The following PLSCR1 variants were observed in gnomAD, a reference collection of about 807,000 sequenced individuals.
PLSCR1 encodes the protein PL scramblase 1.
In PLSCR1, 17 loss-of-function variants were observed where a neutral mutation model predicts 37.8. The ratio of observed to expected loss-of-function variants is 0.45; its 90% CI spans 0.31 to 0.68. PLSCR1 has a LOEUF of 0.68. Ranked by LOEUF, PLSCR1 falls within the 30% of genes least tolerant of loss-of-function variation. The pLI, the probability that PLSCR1 is intolerant of heterozygous loss-of-function variation, is 0.06. For missense variants in PLSCR1, 347 were observed against 380.9 expected, an observed-to-expected ratio of 0.91 and a Z score of 0.74; for synonymous variants, 116 against 125.9, an observed-to-expected ratio of 0.92 and a Z score of 0.53.
chr3:146,539,878 T>A (rs1477732321), intron 1 of PLSCR1, among the ~76,000 whole-genome samples: 1 of 152,176 alleles, frequency 6.6e-6, no homozygotes, highest in Non-Finnish European at 1.5e-5. Flanking sequence ...ATGTGCCAAG[T>A]AGATAAGGCA....
rs1229737958 is a variant in PLSCR1, at chr3:146,536,419, T to A, written c.13+121A>T. ...GAACTAGACATTGTATTCTGGAGCA[T>A]AAACAACAGAAAACAAATTATACAC... On this transcript the variant is annotated intron_variant, in intron 2 of 8. Transcript: ENST00000342435. 6 of 641,724 alleles carry A rather than the reference T, an allele frequency of 9.3e-6. No homozygotes were observed. The Admixed American group carries it at 9.5e-5, about 10-fold the overall frequency. The allele number at this position is 641,724 out of a possible 1,614,324, so 39.8% of individuals were successfully genotyped here.
At position 146,517,007 on chromosome 3, in the gene PLSCR1, A is replaced by G; in HGVS notation, c.899T>C (p.Ile300Thr). Residue 300 changes from isoleucine to threonine, a missense_variant and splice_region_variant, in exon 8 of 9, where the codon ATT (isoleucine) becomes ACT (threonine). Transcript: ENST00000342435. ...CAAGATTAATAAGAACAGACTTACAATGAGGAAACAGGCACCAATCATTAC... is the reference window on the plus strand; with the variant it reads ...CAAGATTAATAAGAACAGACTTACAGTGAGGAAACAGGCACCAATCATTAC... ...KAVMIGACFLIDFMFFESTGS... is the reference protein window; with the variant it reads ...KAVMIGACFLTDFMFFESTGS... 1.9e-6 allele frequency: 3 copies of G among 1,577,786 alleles called. No homozygotes were observed. The highest frequency in any genetic ancestry group is 2.3e-5 in the East Asian group (1 of 43,590).
chr3:146,535,925 C>T (rs2044259795), intron 2 of PLSCR1, among the ~76,000 whole-genome samples: 1 of 152,058 alleles, frequency 6.6e-6, no homozygotes, highest in African/African-American at 2.4e-5. Context: ...TTCAGAAAAA[C>T]AGGATTTAAT....
chr3:146,519,495 A>G (rs1649073793), intron 7 of PLSCR1, among the ~76,000 whole-genome samples: 1 of 152,248 alleles, frequency 6.6e-6, no homozygotes, highest in African/African-American at 2.4e-5. Flanking sequence ...TGAAGGAGAC[A>G]GACTCTCTTA....
At chr3:146,535,156 T>C (rs912527157) in intron 2 of PLSCR1, among the ~76,000 whole-genome samples, 2 of 150,390 alleles carry the variant, frequency 1.3e-5, no homozygotes, top group Non-Finnish European at 3.0e-5. Context: ...AAGAAAATAT[T>C]TTGCAAGTCT....
intron 2 of PLSCR1, among the ~76,000 whole-genome samples, chr3:146,535,368 A>G (rs145320543): frequency 1.5e-3 from 236 of 152,276 alleles, no homozygotes; most frequent in African/African-American, 5.4e-3. Context: ...GGGAATTCAT[A>G]CAAGGAGAAT....
chr3:146,522,139 G>T, intron 5 of PLSCR1, 86 bp from the exon 6 acceptor site: 1 of 790,322 alleles, frequency 1.3e-6, no homozygotes, highest in Non-Finnish European at 2.2e-6. Flanking sequence ...AGCTATGCCA[G>T]TTTTTGATGA....
chr3:146,522,036 T>C lies in PLSCR1; in HGVS notation c.373A>G (p.Thr125Ala). 8.1e-6 allele frequency: 13 copies of C among 1,595,160 alleles called. No homozygotes were observed. The highest frequency in any genetic ancestry group is 1.0e-5 in the Non-Finnish European group (12 of 1,162,736). Reference protein sequence around the residue: ...ELLEVLTGFETNNKYEIKNSF... With the variant: ...ELLEVLTGFEANNKYEIKNSF... ...TTCTTAATTTCATATTTGTTATTAG[T>C]TTCAAAACCTGTTAAAACTAAAAAC... The change falls in exon 6 of 9, where the codon ACT becomes GCT. Residue 125 changes from threonine to alanine, a missense_variant. Thr to Ala is a moderately conservative substitution (Grantham distance 58). Transcript: ENST00000342435.
At position 146,525,666 on chromosome 3, in the gene PLSCR1, T is replaced by A. The variant is rs2044098428; in HGVS notation, c.313-19A>T. 1 of 1,339,764 alleles carries A rather than the reference T, an allele frequency of 7.5e-7. No individual in the cohort carries two copies. The highest frequency in any genetic ancestry group is 1.1e-6 in the Non-Finnish European group (1 of 945,056). The allele number at this position is 1,339,764 out of a possible 1,614,324, so 83.0% of individuals were successfully genotyped here. A position where few individuals can be genotyped will look rare whatever the true frequency, so the allele number is the denominator to read the frequency against. ...GATCTATCTATAGCAGGAAAAAAAA[T>A]AAGTGGTATGTATATGTCAAATGAA... On this transcript the variant is annotated intron_variant, in intron 4 of 8. Coordinates refer to ENST00000342435, the MANE Select transcript of PLSCR1 (RefSeq NM_021105.3).
chr3:146,516,365 T>G (rs1312217145), intron 8 of PLSCR1: 3 of 305,728 alleles, frequency 9.8e-6, no homozygotes, highest in African/African-American at 4.4e-5. Context: ...CTCTAAATGT[T>G]ACTTTTTCTC....
chr3:146,536,655 T>C, intron 1 of PLSCR1, 90 bp from the exon 2 acceptor site: 1 of 772,594 alleles, frequency 1.3e-6, no homozygotes, highest in Non-Finnish European at 2.3e-6. Context: ...AACTACACAG[T>C]CACATTCATA....
At chr3:146,537,220 A>T (rs2044277449) in intron 1 of PLSCR1, among the ~76,000 whole-genome samples, 1 of 152,126 alleles carries the variant, frequency 6.6e-6, no homozygotes, top group African/African-American at 2.4e-5. Flanking sequence ...TTATACAGAA[A>T]CATAAATTGC....
intron 7 of PLSCR1, 21 bp from the exon 8 acceptor site, chr3:146,517,188 A>G: frequency 1.4e-6 from 2 of 1,391,362 alleles, no homozygotes; most frequent in Non-Finnish European, 2.0e-6. Context: ...AAAAAAAAGT[A>G]TTAAATACTT....
intron 8 of PLSCR1, 180 bp downstream of exon 8, chr3:146,516,826 G>T (rs1054976412): frequency 2.6e-5 from 13 of 505,602 alleles, no homozygotes; most frequent in Non-Finnish European, 4.5e-5. Flanking sequence ...GTAGAAACTA[G>T]TCACCTGTGA....
intron 1 of PLSCR1, among the ~76,000 whole-genome samples, chr3:146,543,373 T>C (rs1223731170): frequency 6.6e-6 from 1 of 152,234 alleles, no homozygotes; most frequent in African/African-American, 2.4e-5. Flanking sequence ...TTTCCCTTTA[T>C]ATGTCTTTTT....
intron 8 of PLSCR1, 136 bp from the exon 9 acceptor site, chr3:146,516,237 T>G: frequency 1.9e-6 from 1 of 524,270 alleles, no homozygotes. Context: ...TAAGTAAATA[T>G]ACAAAAGCTC....
intron 3 of PLSCR1, 29 bp downstream of exon 3, chr3:146,533,441 A>C: frequency 7.6e-7 from 1 of 1,307,692 alleles, no homozygotes. Flanking sequence ...AATTAATTTT[A>C]CTTTTTCTTC....
intron 3 of PLSCR1, among the ~76,000 whole-genome samples, chr3:146,531,439 G>A (rs1193063133): frequency 6.6e-6 from 1 of 152,034 alleles, no homozygotes; most frequent in African/African-American, 2.4e-5. Context: ...AGATCACTGG[G>A]GTCAGCACAG....
intron 5 of PLSCR1, among the ~76,000 whole-genome samples, chr3:146,523,004 C>T (rs2044051792): frequency 6.6e-6 from 1 of 152,164 alleles, no homozygotes; most frequent in South Asian, 2.1e-4. Flanking sequence ...CACTATTATC[C>T]TATTGTCCTG....
Sources: allele counts gnomAD v4.1 joint callset (sites outside exome capture counted in the v4.1 genomes callset), GRCh38; gene constraint gnomAD v4.1.1; transcripts MANE v1.5; gene names NCBI Gene and HGNC (gene_info 2026-07-23, HGNC 2026-07-21).